VWA5B1: variants seen among roughly 807,000 people sequenced by gnomAD.
VWA5B1 encodes the protein von Willebrand factor A domain-containing protein 5B1.
In VWA5B1, 115 loss-of-function variants were observed where a neutral mutation model predicts 118.2. That is an observed-to-expected ratio of 0.97 (90% CI 0.84 to 1.14). The LOEUF (loss-of-function observed/expected upper bound fraction) is 1.14, where lower values mean the gene tolerates loss of function less well. Ranked by LOEUF, VWA5B1 falls within the 50% of genes most tolerant of loss-of-function variation. VWA5B1 has a pLI of 0.00. For missense variants in VWA5B1, 1,596 were observed against 1,603.8 expected (o/e 1.00, Z 0.08); for synonymous variants, 682 against 658.4 (o/e 1.04, Z -0.55).
rs918750093 is a variant in VWA5B1, at chr1:20,301,767, G to A, written c.-26-8809G>A. On this transcript the variant is annotated intron_variant, in intron 1 of 21. Coordinates refer to ENST00000289815, the MANE Select transcript of VWA5B1 (RefSeq NM_001039500.3). The stretch of plus-strand genomic sequence containing the variant: ...CACAGGGATGCTAGCAGCTCTGCTG[G>A]GTGAGCTCAACTTGCAAACATGCCC... 3.9e-5 allele frequency among the ~76,000 whole-genome samples: 6 copies of A among 152,178 alleles called. No homozygotes were observed. In the East Asian group the frequency reaches 1.2e-3, roughly 29 times the overall value.
chr1:20,349,717 G>A (rs2090085166), intron 18 of VWA5B1, among the ~76,000 whole-genome samples: 1 of 141,572 alleles, frequency 7.1e-6, no homozygotes, highest in Admixed American at 7.2e-5. Context: ...TCTGATTCAT[G>A]CCCACATTCC....
chr1:20,332,544 T>TAAAATAAA (rs2089598168), intron 11 of VWA5B1, among the ~76,000 whole-genome samples: 1 of 141,798 alleles, frequency 7.1e-6, no homozygotes, highest in Admixed American at 7.1e-5. Flanking sequence ...TAAAATAAAA[T>TAAAATAAA]AAAATGCTAA....
intron 1 of VWA5B1, among the ~76,000 whole-genome samples, chr1:20,297,221 G>A (rs964475839): frequency 2.4e-4 from 36 of 152,192 alleles, no homozygotes; most frequent in African/African-American, 8.2e-4. Context: ...ATTCATGGCT[G>A]TACTAGCCAA....
chr1:20,304,627 A>C (rs2088593966), intron 1 of VWA5B1, among the ~76,000 whole-genome samples: 1 of 152,126 alleles, frequency 6.6e-6, no homozygotes, highest in African/African-American at 2.4e-5. Context: ...AACAGCCTGG[A>C]GGTTGAAGGA....
chr1:20,335,722 T>C (rs1043505524), intron 12 of VWA5B1, among the ~76,000 whole-genome samples: 2 of 152,242 alleles, frequency 1.3e-5, no homozygotes, highest in African/African-American at 2.4e-5. Context: ...ATACATTTAC[T>C]ATTCATTAAG....
At chr1:20,299,077 G>A (rs901985105) in intron 1 of VWA5B1, among the ~76,000 whole-genome samples, 10 of 152,154 alleles carry the variant, frequency 6.6e-5, no homozygotes, top group African/African-American at 2.4e-4. Context: ...GGTTATGAGG[G>A]ATCCATGTGA....
chr1:20,349,535 C>T (rs2090080132), intron 18 of VWA5B1, among the ~76,000 whole-genome samples: 1 of 152,020 alleles, frequency 6.6e-6, no homozygotes, highest in Non-Finnish European at 1.5e-5. Context: ...AGGCACCTGC[C>T]ACCATGCCCC....
intron 1 of VWA5B1, among the ~76,000 whole-genome samples, chr1:20,297,269 T>C (rs988366199): frequency 6.6e-6 from 1 of 152,172 alleles, no homozygotes; most frequent in Non-Finnish European, 1.5e-5. Context: ...AGCAGCAACG[T>C]TTTAATTCCT....
At chr1:20,307,938 C>T (rs111807258) in intron 1 of VWA5B1, among the ~76,000 whole-genome samples, 6 of 151,592 alleles carry the variant, frequency 4.0e-5, no homozygotes, top group African/African-American at 1.5e-4. Flanking sequence ...GGATATGTTG[C>T]ATGATGGTGA....
intron 1 of VWA5B1, 60 bp from the exon 2 acceptor site, chr1:20,310,516 C>G: frequency 7.1e-7 from 1 of 1,411,744 alleles, no homozygotes; most frequent in Non-Finnish European, 9.3e-7. Flanking sequence ...AACGGGAAAA[C>G]TAGGTTGAGG....
At chr1:20,295,667 A>T (rs1440116242) in intron 1 of VWA5B1, among the ~76,000 whole-genome samples, 2 of 152,072 alleles carry the variant, frequency 1.3e-5, no homozygotes, top group Non-Finnish European at 2.9e-5. Context: ...CACTGTGGAG[A>T]CAGAGACAGG....
chr1:20,302,160 C>T (rs181065402), intron 1 of VWA5B1, among the ~76,000 whole-genome samples: 1 of 152,308 alleles, frequency 6.6e-6, no homozygotes, highest in Non-Finnish European at 1.5e-5. Context: ...TCTCAACTGG[C>T]TGGACTCCAG....
chr1:20,298,115 A>G (rs2088441366), intron 1 of VWA5B1, among the ~76,000 whole-genome samples: 1 of 151,148 alleles, frequency 6.6e-6, no homozygotes. Flanking sequence ...GGCTCAGGCA[A>G]TTCTCCTACC....
intron 16 of VWA5B1, among the ~76,000 whole-genome samples, chr1:20,344,702 T>C (rs1197352258): frequency 6.6e-6 from 1 of 152,060 alleles, no homozygotes; most frequent in Non-Finnish European, 1.5e-5. Context: ...TAGAGAACGG[T>C]TATATCATTT....
intron 6 of VWA5B1, 55 bp downstream of exon 6, chr1:20,318,776 A>G: frequency 6.9e-7 from 1 of 1,443,124 alleles, no homozygotes; most frequent in Non-Finnish European, 9.1e-7. Flanking sequence ...GGAGGTGCTG[A>G]TCCTGTGGGG....
In VWA5B1 at chr1:20,337,645, G is replaced by GT; in HGVS notation, c.1943-1_1943insT (p.Asp648ValfsTer30). 1 of 1,550,900 alleles carries GT rather than the reference G, an allele frequency of 6.4e-7. No homozygotes were observed. ...GGTTCCCCATCACTATCCCTGTCCA[G>GT]ATCTGAACCTCTCTCAGCGACGGAG... On this transcript the variant is annotated frameshift_variant and splice_region_variant. Transcript: ENST00000289815. LOFTEE classifies it high-confidence loss of function.
intron 14 of VWA5B1, among the ~76,000 whole-genome samples, chr1:20,341,955 A>C (rs1489377652): frequency 1.3e-5 from 2 of 152,230 alleles, no homozygotes; most frequent in African/African-American, 2.4e-5. Context: ...TTACTCCAAA[A>C]TAAATTTCAT....
At chr1:20,310,496 G>A in intron 1 of VWA5B1, 80 bp from the exon 2 acceptor site, 2 of 1,317,424 alleles carry the variant, frequency 1.5e-6, no homozygotes, top group Non-Finnish European at 2.0e-6. Flanking sequence ...GATTGCTTGA[G>A]GGTGTCTGAA....
intron 7 of VWA5B1, among the ~76,000 whole-genome samples, chr1:20,320,937 G>A (rs2089191253): frequency 6.6e-6 from 1 of 152,082 alleles, no homozygotes; most frequent in Admixed American, 6.5e-5. Flanking sequence ...GTGGGAGAGA[G>A]ACAGCGAGAT....
Sources: allele counts gnomAD v4.1 joint callset (sites outside exome capture counted in the v4.1 genomes callset), GRCh38; gene constraint gnomAD v4.1.1; transcripts MANE v1.5; gene names NCBI Gene and HGNC (gene_info 2026-07-23, HGNC 2026-07-21).